PPP1R12A: variants seen among roughly 807,000 people sequenced by gnomAD.
PPP1R12A encodes myosin binding subunit.
PPP1R12A carries 19 observed loss-of-function variants against 139.6 expected under a neutral mutation model. The ratio of observed to expected loss-of-function variants is 0.14; its 90% confidence interval spans 0.09 to 0.20. PPP1R12A has a LOEUF of 0.20. PPP1R12A is among the 10% of genes least tolerant of loss of function. The pLI is 1.00. For missense variants in PPP1R12A, 925 were observed against 1,211.5 expected (o/e 0.76, Z 3.51); for synonymous variants, 427 against 420.6 (o/e 1.02, Z -0.19).
chr12:79,822,883 A>G (rs1876294037), intron 5 of PPP1R12A, among the ~76,000 whole-genome samples: 1 of 150,356 alleles, frequency 6.7e-6, no homozygotes, highest in Non-Finnish European at 1.5e-5. Flanking sequence ...TTGTGTGGAC[A>G]CCTGTTTTCA....
chr12:79,849,698 C>T (rs973704640), intron 2 of PPP1R12A, among the ~76,000 whole-genome samples: 1 of 152,164 alleles, frequency 6.6e-6, no homozygotes, highest in East Asian at 1.9e-4. Flanking sequence ...AAATGAACAA[C>T]CGTATTGAGT....
chr12:79,785,078 TA>T (rs1870944500), intron 22 of PPP1R12A, among the ~76,000 whole-genome samples: 1 of 152,216 alleles, frequency 6.6e-6, no homozygotes, highest in South Asian at 2.1e-4. Context: ...GTTCACTGAT[TA>T]AAAAACAGCA....
chr12:79,891,598 C>T (rs1287213908), intron 1 of PPP1R12A, among the ~76,000 whole-genome samples: 3 of 152,192 alleles, frequency 2.0e-5, no homozygotes, highest in Admixed American at 6.5e-5. Flanking sequence ...ATGATCACTA[C>T]CTCATGGTAG....
At chr12:79,875,737 C>G (rs1026321280) in intron 1 of PPP1R12A, among the ~76,000 whole-genome samples, 1 of 152,150 alleles carries the variant, frequency 6.6e-6, no homozygotes, top group Admixed American at 6.5e-5. Context: ...TTTGAAGTAG[C>G]TGTTGAAAGT....
intron 2 of PPP1R12A, among the ~76,000 whole-genome samples, chr12:79,847,057 A>G (rs1464510662): frequency 6.6e-6 from 1 of 152,182 alleles, no homozygotes; most frequent in Admixed American, 6.5e-5. Flanking sequence ...ACGTCCACAG[A>G]GGGAAAAAGG....
intron 14 of PPP1R12A, among the ~76,000 whole-genome samples, chr12:79,804,388 G>A (rs556176425): frequency 1.3e-5 from 2 of 151,960 alleles, no homozygotes; most frequent in East Asian, 1.9e-4. Flanking sequence ...ACCACTTGCA[G>A]TGGCATTATA....
At chr12:79,865,476 A>C (rs575220638) in intron 2 of PPP1R12A, among the ~76,000 whole-genome samples, 1 of 152,326 alleles carries the variant, frequency 6.6e-6, no homozygotes, top group African/African-American at 2.4e-5. Context: ...CAGGGCAATC[A>C]GGCAAGAGAA....
intron 14 of PPP1R12A, among the ~76,000 whole-genome samples, chr12:79,799,611 C>T (rs565020625): frequency 6.6e-6 from 1 of 152,274 alleles, no homozygotes; most frequent in African/African-American, 2.4e-5. Flanking sequence ...ATATAAAGAA[C>T]AGGACTTGGC....
chr12:79,920,952 C>G (rs933020637), intron 1 of PPP1R12A, among the ~76,000 whole-genome samples: 1 of 152,176 alleles, frequency 6.6e-6, no homozygotes, highest in Non-Finnish European at 1.5e-5. Flanking sequence ...TACTTGTTCT[C>G]TTTTTTATTA....
chr12:79,781,146 C>G (rs867382854), intron 23 of PPP1R12A, among the ~76,000 whole-genome samples: 47 of 152,212 alleles, frequency 3.1e-4, no homozygotes, highest in Admixed American at 2.3e-3. Context: ...TATACATTTT[C>G]AACTGATGAG....
chr12:79,784,533 A>G (rs941210563), intron 22 of PPP1R12A, among the ~76,000 whole-genome samples: 8 of 152,212 alleles, frequency 5.3e-5, no homozygotes, highest in Non-Finnish European at 1.0e-4. Context: ...TTACATGACA[A>G]TGAAGTAGGC....
At chr12:79,843,192 G>A (rs1878958688) in intron 3 of PPP1R12A, among the ~76,000 whole-genome samples, 1 of 151,890 alleles carries the variant, frequency 6.6e-6, no homozygotes, top group Non-Finnish European at 1.5e-5. Flanking sequence ...AATGACACTT[G>A]GTTTGCTTTC....
At chr12:79,788,905 T>C (rs1017199436) in intron 20 of PPP1R12A, 122 bp from the exon 21 acceptor site, 2 of 815,400 alleles carry the variant, frequency 2.5e-6, no homozygotes, top group Admixed American at 3.1e-5. Flanking sequence ...CCCTCTGTTA[T>C]CTGATTAATT....
At chr12:79,869,219 A>C (rs978683909) in intron 2 of PPP1R12A, among the ~76,000 whole-genome samples, 4 of 152,172 alleles carry the variant, frequency 2.6e-5, no homozygotes, top group Non-Finnish European at 4.4e-5. Flanking sequence ...CTACCTATTC[A>C]CTTGGCTTCT....
chr12:79,818,802 A>AT (rs1875725463), intron 8 of PPP1R12A: 1 of 152,208 alleles, frequency 6.6e-6, no homozygotes, highest in African/African-American at 2.4e-5. Flanking sequence ...CAAATAATTT[A>AT]TTTTACAAAA....
chr12:79,778,235 C>T (rs1368561978), intron 24 of PPP1R12A: 1 of 177,020 alleles, frequency 5.6e-6, no homozygotes, highest in Non-Finnish European at 1.2e-5. Context: ...AATCCTACAT[C>T]TTATTATTAT....
chr12:79,786,619 G>T (rs920127845), intron 21 of PPP1R12A, 141 bp from the exon 22 acceptor site: 3 of 538,332 alleles, frequency 5.6e-6, no homozygotes, highest in Non-Finnish European at 9.4e-6. Context: ...ATCCTTCATG[G>T]TTGCAAAGCA....
intron 1 of PPP1R12A, among the ~76,000 whole-genome samples, chr12:79,916,992 T>C (rs117306294): frequency 5.0e-3 from 767 of 152,190 alleles, no homozygotes; most frequent in Non-Finnish European, 8.2e-3. Context: ...CTGTTAACAG[T>C]TGAGGTACTT....
Position 79,778,620 on chromosome 12 carries a change from C to A in PPP1R12A, c.2956-20G>T. 6.9e-7 allele frequency: 1 copy of A among 1,456,980 alleles called. No individual in the cohort carries two copies. The highest frequency in any genetic ancestry group is 1.3e-5 in the South Asian group (1 of 74,466). The allele number at this position is 1,456,980 out of a possible 1,614,324, so 90.3% of individuals were successfully genotyped here. ...TCGTTCCTAGATCGATTTAAGGTAC[C>A]AATGTTAGTTATATAATTATTATAT... is the stretch of plus-strand genomic sequence containing the variant. On this transcript the variant is annotated intron_variant, in intron 23 of 24. Transcript: ENST00000450142.
Sources: allele counts gnomAD v4.1 joint callset (sites outside exome capture counted in the v4.1 genomes callset), GRCh38; gene constraint gnomAD v4.1.1; transcripts MANE v1.5; gene names NCBI Gene and HGNC (gene_info 2026-07-23, HGNC 2026-07-21).